The following LPIN1 variants were observed in gnomAD, a reference collection of about 807,000 sequenced individuals.
LPIN1 encodes lipin 1.
Under a neutral mutation model 107.5 loss-of-function variants are expected in LPIN1, and 71 were observed. That is an observed-to-expected ratio of 0.66 (90% confidence interval 0.55 to 0.80). LPIN1 has a LOEUF of 0.80. Ranked by LOEUF, LPIN1 falls within the 30% of genes least tolerant of loss-of-function variation. The pLI is 0.00. For missense variants in LPIN1, 1,043 were observed against 1,160.6 expected, an observed-to-expected ratio of 0.90 and a Z score of 1.47; for synonymous variants, 445 against 452.6, an observed-to-expected ratio of 0.98 and a Z score of 0.21.
chr2:11,792,060 A>G lies in LPIN1; in HGVS notation c.1806+54A>G. The stretch of plus-strand genomic sequence containing the variant: ...CACTTAGCAAGTGTTGGTTTTGTGT[A>G]GTGAGATTGGTTTTCATGTACTTAC... On this transcript the variant is annotated intron_variant, in intron 13 of 20. Transcript: ENST00000674199. 6 of 1,462,724 alleles carry G rather than the reference A, an allele frequency of 4.1e-6. No homozygotes were observed. In the South Asian group the frequency reaches 6.9e-5, roughly 17 times the overall value. 90.6% of individuals were successfully genotyped at this position (1,462,724 alleles called of 1,614,324 possible). A position where few individuals can be genotyped will look rare whatever the true frequency, so the allele number is the denominator to read the frequency against.
rs1171247173 is a variant in LPIN1 at position 11,774,965 on chromosome 2, T to TAA, written c.723-1106_723-1105dup. ...TTCCAGTAGCCCTATTTTTAAAAAG[T>TAA]AAAAAAAAAAAAAAAAGATGAAATT... is the stretch of plus-strand genomic sequence containing the variant. On this transcript the variant is annotated intron_variant, in intron 5 of 20. Transcript: ENST00000674199. This position sits in a 1 kb window ranked among gnomAD's most constrained non-coding sequence, Gnocchi z 4.4. Among the ~76,000 whole-genome samples, 3 of 119,924 alleles carry TAA rather than the reference T, an allele frequency of 2.5e-5. No individual in the cohort carries two copies. Among genetic ancestry groups the TAA allele is most frequent in the Non-Finnish European group, 3.7e-5 (2 of 54,242 alleles). The allele number at this position is 119,924 out of a possible 152,430, so 78.7% of individuals were successfully genotyped here.
intron 9 of LPIN1, chr2:11,784,424 CAG>C (rs1674130036): frequency 3.6e-6 from 4 of 1,116,290 alleles, no homozygotes; most frequent in Non-Finnish European, 4.4e-6. Context: ...CACCTCTGGA[CAG>C]GGGCGCAGCA....
intron 1 of LPIN1, among the ~76,000 whole-genome samples, chr2:11,755,480 A>G (rs1668533272): frequency 6.6e-6 from 1 of 152,064 alleles, no homozygotes; most frequent in African/African-American, 2.4e-5. Context: ...AGGAGAGAAG[A>G]CTCACTTGGT....
chr2:11,730,709 T>G, intron 1 of LPIN1, among the ~76,000 whole-genome samples: 1 of 152,178 alleles, frequency 6.6e-6, no homozygotes, highest in East Asian at 1.9e-4. Context: ...TAGGTAGAAG[T>G]TGGGCTAGGT....
At chr2:11,679,063 G>A (rs988513959) in intron 1 of LPIN1, among the ~76,000 whole-genome samples, 9 of 152,232 alleles carry the variant, frequency 5.9e-5, no homozygotes, top group Non-Finnish European at 1.0e-4. Flanking sequence ...GTGGACAGGT[G>A]GGGCTCTTAT....
At chr2:11,692,822 T>G (rs1462395636) in intron 1 of LPIN1, among the ~76,000 whole-genome samples, 14 of 152,250 alleles carry the variant, frequency 9.2e-5, no homozygotes, top group Non-Finnish European at 1.8e-4. Context: ...TCATTTAAAT[T>G]CTACCTCCAG....
chr2:11,760,603 G>C (rs1669655425), intron 1 of LPIN1, among the ~76,000 whole-genome samples: 1 of 152,180 alleles, frequency 6.6e-6, no homozygotes, highest in Non-Finnish European at 1.5e-5. Flanking sequence ...ATCAGGCAGG[G>C]AGGTTGCAGT....
chr2:11,766,261 C>A (rs72773997), intron 2 of LPIN1, among the ~76,000 whole-genome samples: 14,264 of 152,132 alleles, frequency 0.094, 896 homozygotes, highest in Middle Eastern at 0.18. Context: ...AGCCACATGG[C>A]GTCACGTCTG....
intron 1 of LPIN1, among the ~76,000 whole-genome samples, chr2:11,693,796 A>ATATGTG (rs1166232351): frequency 2.8e-4 from 6 of 21,154 alleles, no homozygotes; most frequent in African/African-American, 9.0e-4. Flanking sequence ...GTGTATATAT[A>ATATGTG]TATATATATA....
In LPIN1 at chr2:11,779,881, C is replaced by CT. The variant is rs545546639; in HGVS notation, c.957+250dup. On this transcript the variant is annotated intron_variant, in intron 7 of 20. Coordinates refer to ENST00000674199, the MANE Select transcript of LPIN1 (RefSeq NM_001349206.2). ...CCTATGGGATTCCTCTTAGGATTTA[C>CT]TTTTTTTTTTTTTTCTTGAGACAGA... Among the ~76,000 whole-genome samples the CT allele has an allele frequency of 3.4e-3, 496 of 145,514 alleles. No individual in the cohort carries two copies. Among genetic ancestry groups the CT allele is most frequent in the Non-Finnish European group, 3.9e-3 (253 of 65,628 alleles).
At chr2:11,711,005 A>G (rs1267602059) in intron 1 of LPIN1, among the ~76,000 whole-genome samples, 1 of 152,228 alleles carries the variant, frequency 6.6e-6, no homozygotes, top group African/African-American at 2.4e-5. Context: ...GGTCAGAGAT[A>G]TTGCTCCTCT....
In LPIN1 at chr2:11,707,484, G is replaced by C. The variant is rs533644261; in HGVS notation, c.82-6272G>C. Among the ~76,000 whole-genome samples the C allele has an allele frequency of 4.6e-5, 7 of 152,208 alleles. No homozygotes were observed. The highest frequency in any genetic ancestry group is 1.0e-4 in the Non-Finnish European group (7 of 68,044). ...ATTTACTGAGCAGACCGGGGAGCACGGGAAGTTTTGAGCTGAGGAGTGGTG... is the reference window on the plus strand; with the variant it reads ...ATTTACTGAGCAGACCGGGGAGCACCGGAAGTTTTGAGCTGAGGAGTGGTG... On this transcript the variant is annotated intron_variant, in intron 1 of 21. Transcript: ENST00000449576. This position sits in a 1 kb window ranked among gnomAD's most constrained non-coding sequence, Gnocchi z 4.2.
At chr2:11,684,142 G>C (rs1250632818) in intron 1 of LPIN1, among the ~76,000 whole-genome samples, 3 of 152,178 alleles carry the variant, frequency 2.0e-5, no homozygotes, top group African/African-American at 7.2e-5. Context: ...GGCAGCTCTG[G>C]GTCTGGGCTG....
At chr2:11,694,565 A>T (rs11684640) in intron 1 of LPIN1, among the ~76,000 whole-genome samples, 27,058 of 152,144 alleles carry the variant, frequency 0.18, 2,997 homozygotes, top group South Asian at 0.26. Context: ...TTGTGTATGT[A>T]TCTGAAGCTT....
chr2:11,804,661 A>C, intron 16 of LPIN1, 90 bp downstream of exon 16: 1 of 1,374,774 alleles, frequency 7.3e-7, no homozygotes, highest in Non-Finnish European at 1.0e-6. Flanking sequence ...TGCTCTCCTC[A>C]TGGGACTTGC....
intron 1 of LPIN1, among the ~76,000 whole-genome samples, chr2:11,688,892 C>G (rs143039620): frequency 1.1e-4 from 16 of 152,126 alleles, no homozygotes; most frequent in African/African-American, 3.4e-4. Context: ...AGGCACTTCG[C>G]AGTTAATGGT....
rs1043011072 is a variant in LPIN1 at position 11,782,516 on chromosome 2, G to T, written c.1264+9G>T. On this transcript the variant is annotated intron_variant, in intron 8 of 20. Transcript: ENST00000674199. ...TCCTTCCAGGAAAAGAGGTACCAAG[G>T]CTGGGGCTTCCCGGCTCTTTTTCTG... 2.2e-5 allele frequency: 36 copies of T among 1,613,694 alleles called. No individual in the cohort carries two copies. Among genetic ancestry groups the T allele is most frequent in the Non-Finnish European group, 2.9e-5 (34 of 1,180,054 alleles).
chr2:11,771,479 C>T lies in LPIN1; in HGVS notation c.396C>T (p.Asp132=), dbSNP rs145247291. 3 of 1,614,068 alleles carry T rather than the reference C, an allele frequency of 1.9e-6. No individual in the cohort carries two copies. Among genetic ancestry groups the T allele is most frequent in the African/African-American group, 2.7e-5 (2 of 74,940 alleles). ...CTGTGGACAGGATGAGAGGCCTGGA[C>T]CCCAGCACGCCAGCCCAAGTGATCG... ...RGSVDRMRGL[D]PSTPAQVIAP... The change falls in exon 4 of 21, where the codon GAC becomes GAT. Residue 132 remains aspartate, a synonymous_variant. Transcript: ENST00000674199. This position sits in a 1 kb window ranked among gnomAD's most constrained non-coding sequence, Gnocchi z 4.8.
chr2:11,787,851 G>T (rs1468736506), intron 11 of LPIN1, among the ~76,000 whole-genome samples: 1 of 151,624 alleles, frequency 6.6e-6, no homozygotes. Flanking sequence ...TGAGGCAGGA[G>T]AATGGCGTGA....
Sources: gnomAD v4.1 joint callset for allele counts (sites outside exome capture counted in the v4.1 genomes callset) on GRCh38, gnomAD v4.1.1 for gene constraint, Gnocchi (gnomAD v3.1) non-coding constraint, MANE v1.5 for transcripts, NCBI Gene and HGNC (gene_info 2026-07-23, HGNC 2026-07-21) for gene names.